The following SMIM14 variants were observed in gnomAD, a reference collection of about 807,000 sequenced individuals.
SMIM14 encodes the protein chromosome 4 open reading frame 34.
In SMIM14, 5 loss-of-function variants were observed where a neutral mutation model predicts 12.6. The ratio of observed to expected loss-of-function variants is 0.40; its 90% CI spans 0.21 to 0.83. The LOEUF (loss-of-function observed/expected upper bound fraction) is 0.83. Among genes scored for constraint, SMIM14 ranks in the 40% least tolerant of loss-of-function variants. The pLI, the probability that SMIM14 is intolerant of heterozygous loss-of-function variation, is 0.37. For synonymous variants in SMIM14, 30 were observed against 40.1 expected (o/e 0.75, Z 0.95); for missense variants, 86 against 119.1 (o/e 0.72, Z 1.29).
Position 39,586,658 on chromosome 4 carries a change from A to G in SMIM14, c.76-14195T>C, listed in dbSNP as rs1713796925. Reference sequence around the variant, plus strand: ...CTCACAGCAAATATCAGCTTGTTCTAGCATGCACTTAAAAACTCTTCCAGC... The same window carrying G: ...CTCACAGCAAATATCAGCTTGTTCTGGCATGCACTTAAAAACTCTTCCAGC... On this transcript the variant is annotated intron_variant, in intron 2 of 4. Transcript: ENST00000295958. Among the ~76,000 whole-genome samples the G allele has an allele frequency of 2.0e-5, 3 of 152,046 alleles. No homozygotes were observed. The South Asian group carries it at 6.2e-4, about 32-fold the overall frequency.
rs1299217972 is a variant in SMIM14, at chr4:39,619,911, G to A, written c.-35-14731C>T. On this transcript the variant is annotated intron_variant, in intron 1 of 4. Transcript: ENST00000295958. Reference sequence around the variant, plus strand: ...TTTTAAGAGCAAGATAGGGACTCACGCTCTGTGGCCCACGCTAGAGTGCAA... The same window carrying A: ...TTTTAAGAGCAAGATAGGGACTCACACTCTGTGGCCCACGCTAGAGTGCAA... 6.6e-5 allele frequency among the ~76,000 whole-genome samples: 9 copies of A among 136,300 alleles called. 1 individual carries two copies. The highest frequency in any genetic ancestry group is 1.9e-4 in the African/African-American group (7 of 36,042). 89.4% of individuals were successfully genotyped at this position (136,300 alleles called of 152,430 possible).
At chr4:39,634,714 C>G (rs1190626056) in intron 1 of SMIM14, among the ~76,000 whole-genome samples, 1 of 152,108 alleles carries the variant, frequency 6.6e-6, no homozygotes, top group Non-Finnish European at 1.5e-5. Context: ...TTCTAAGAAC[C>G]CATTTCTCAC....
At chr4:39,557,203 G>T (rs1171455961) in intron 3 of SMIM14, among the ~76,000 whole-genome samples, 3 of 151,888 alleles carry the variant, frequency 2.0e-5, no homozygotes, top group Non-Finnish European at 4.4e-5. Context: ...GTTGAGACGG[G>T]GTTTCACCAT....
At chr4:39,583,428 TA>T (rs1295304760) in intron 2 of SMIM14, among the ~76,000 whole-genome samples, 1 of 152,018 alleles carries the variant, frequency 6.6e-6, no homozygotes, top group Non-Finnish European at 1.5e-5. Context: ...AGTATTCCGA[TA>T]ATCAGCTTCA....
At position 39,588,896 on chromosome 4, in the gene SMIM14, C is replaced by T. The variant is rs28393608; in HGVS notation, c.75+16175G>A. Among the ~76,000 whole-genome samples the T allele has an allele frequency of 4.6e-3, 693 of 152,086 alleles. 5 individuals carry two copies. Among genetic ancestry groups the T allele is most frequent in the African/African-American group, 0.016 (658 of 41,516 alleles). ...ACAACTAGCAAAAATACATTTGCTG[C>T]ATAGAGAAGTCTCTCAAAGAAACTT... is the stretch of plus-strand genomic sequence containing the variant. On this transcript the variant is annotated intron_variant, in intron 2 of 4. Coordinates refer to ENST00000295958, the MANE Select transcript of SMIM14 (RefSeq NM_174921.3).
At position 39,556,415 on chromosome 4, in the gene SMIM14, C is replaced by G. The variant is rs769902681; in HGVS notation, c.267+13G>C. Reference sequence around the variant, plus strand: ...CCCTTACCCAAAAAGCATTTAAAATCTGCAACACTTACATTATGAGGACTG... The same window carrying G: ...CCCTTACCCAAAAAGCATTTAAAATGTGCAACACTTACATTATGAGGACTG... On this transcript the variant is annotated intron_variant, in intron 4 of 4. Coordinates refer to ENST00000295958, the MANE Select transcript of SMIM14 (RefSeq NM_174921.3). 7.5e-6 allele frequency: 12 copies of G among 1,605,086 alleles called. No individual in the cohort carries two copies. In the African/African-American group the frequency reaches 1.6e-4, roughly 22 times the overall value.
At chr4:39,620,472 T>C (rs539555976) in intron 1 of SMIM14, among the ~76,000 whole-genome samples, 5 of 152,128 alleles carry the variant, frequency 3.3e-5, no homozygotes, top group African/African-American at 4.8e-5. Context: ...AGAGATAGAC[T>C]GTATCAAAAA....
intron 1 of SMIM14, among the ~76,000 whole-genome samples, chr4:39,620,405 G>A (rs566903951): frequency 6.6e-6 from 1 of 152,242 alleles, no homozygotes; most frequent in African/African-American, 2.4e-5. Context: ...CGTGAACCTG[G>A]GAGGTGGAGC....
chr4:39,638,515 G>C (rs1249882170), intron 1 of SMIM14: 1 of 985,364 alleles, frequency 1.0e-6, no homozygotes, highest in East Asian at 1.1e-4. Flanking sequence ...ATCCTGCAGA[G>C]AATACCCAAT....
chr4:39,628,656 T>C (rs1473573616), intron 1 of SMIM14, among the ~76,000 whole-genome samples: 1 of 150,976 alleles, frequency 6.6e-6, no homozygotes, highest in Non-Finnish European at 1.5e-5. Flanking sequence ...CACTCCAGCC[T>C]GGGTGACAAG....
chr4:39,628,049 C>A (rs2109254064), intron 1 of SMIM14, among the ~76,000 whole-genome samples: 1 of 152,282 alleles, frequency 6.6e-6, no homozygotes. Context: ...GGGCTCACGC[C>A]TATAATCCCA....
rs1711647102 is a variant in SMIM14 at position 39,550,715 on chromosome 4, C to G, written c.*1411G>C. 1 of 152,172 alleles carries G rather than the reference C, an allele frequency of 6.6e-6. No individual in the cohort carries two copies. Among genetic ancestry groups the G allele is most frequent in the Admixed American group, 6.5e-5 (1 of 15,278 alleles). The allele number at this position is 152,172 out of a possible 1,614,324, so 9.4% of individuals were successfully genotyped here. A position where few individuals can be genotyped will look rare whatever the true frequency, so the allele number is the denominator to read the frequency against. Reference sequence around the variant, plus strand: ...TCCTTCCTACCCCAATCCATCCCATCACCAAACAGGAATGAGATAAGGAGT... The same window carrying G: ...TCCTTCCTACCCCAATCCATCCCATGACCAAACAGGAATGAGATAAGGAGT... On this transcript the variant is annotated 3_prime_UTR_variant, in exon 5 of 5. Coordinates refer to ENST00000295958, the MANE Select transcript of SMIM14 (RefSeq NM_174921.3).
intron 2 of SMIM14, among the ~76,000 whole-genome samples, chr4:39,587,452 C>T (rs929353934): frequency 5.0e-5 from 7 of 141,308 alleles, no homozygotes; most frequent in Non-Finnish European, 1.0e-4. Context: ...GCCAAGATCG[C>T]GCCACTGCAC....
At chr4:39,618,875 A>G (rs1715325252) in intron 1 of SMIM14, among the ~76,000 whole-genome samples, 1 of 151,998 alleles carries the variant, frequency 6.6e-6, no homozygotes, top group Admixed American at 6.6e-5. Context: ...TGTTGAGAAG[A>G]AAGTGAGTGT....
intron 1 of SMIM14, among the ~76,000 whole-genome samples, chr4:39,616,641 T>TAAAAAA (rs5857689): frequency 2.2e-5 from 3 of 137,246 alleles, no homozygotes; most frequent in Non-Finnish European, 3.1e-5. Flanking sequence ...TCCTTACATT[T>TAAAAAA]AAAAAAAAAA....
At chr4:39,562,343 C>T (rs964999650) in intron 3 of SMIM14, among the ~76,000 whole-genome samples, 2 of 152,134 alleles carry the variant, frequency 1.3e-5, no homozygotes, top group African/African-American at 2.4e-5. Context: ...CACAACTGCA[C>T]TCCAGCCAGG....
At chr4:39,623,281 A>T (rs1223081957) in intron 1 of SMIM14, among the ~76,000 whole-genome samples, 2 of 152,204 alleles carry the variant, frequency 1.3e-5, no homozygotes, top group Non-Finnish European at 2.9e-5. Flanking sequence ...GAGATTCATT[A>T]CACCATTCTA....
At chr4:39,594,935 A>G (rs903050056) in intron 2 of SMIM14, among the ~76,000 whole-genome samples, 8 of 150,988 alleles carry the variant, frequency 5.3e-5, no homozygotes, top group Non-Finnish European at 1.0e-4. Flanking sequence ...GAGAAACAGG[A>G]ACACTTTTAC....
At chr4:39,571,363 A>G (rs766850848) in intron 3 of SMIM14, among the ~76,000 whole-genome samples, 2 of 152,002 alleles carry the variant, frequency 1.3e-5, no homozygotes, top group African/African-American at 2.4e-5. Context: ...GGATCACTTG[A>G]TCCCAGGAGT....
Sources: allele counts gnomAD v4.1 joint callset (sites outside exome capture counted in the v4.1 genomes callset), GRCh38; gene constraint gnomAD v4.1.1; transcripts MANE v1.5; gene names NCBI Gene and HGNC (gene_info 2026-07-23, HGNC 2026-07-21).